The following CLYBL variants were observed in gnomAD, a reference collection of about 807,000 sequenced individuals.
CLYBL encodes the protein citramalyl-CoA lyase.
A neutral mutation model predicts 38.9 loss-of-function variants in CLYBL; 31 were observed. The ratio of observed to expected loss-of-function variants is 0.80; its 90% confidence interval spans 0.60 to 1.08. The LOEUF is 1.08. Among genes scored for constraint, CLYBL ranks in the 50% least tolerant of loss-of-function variants. The probability of loss-of-function intolerance (pLI) is 0.00; values close to 1 mark genes in which losing one functional copy is unlikely to be tolerated. For synonymous variants in CLYBL, 171 were observed against 158.6 expected, an observed-to-expected ratio of 1.08 and a Z score of -0.59; for missense variants, 434 against 411.6, an observed-to-expected ratio of 1.05 and a Z score of -0.47.
At chr13:99,731,335 GAAA>G (rs543496005) in intron 1 of CLYBL, among the ~76,000 whole-genome samples, 1 of 127,012 alleles carries the variant, frequency 7.9e-6, no homozygotes. Flanking sequence ...CCTGCTTTAA[GAAA>G]AAAAAAAAAA....
intron 1 of CLYBL, among the ~76,000 whole-genome samples, chr13:99,682,228 C>T (rs956576224): frequency 1.7e-4 from 26 of 151,918 alleles, no homozygotes; most frequent in African/African-American, 6.3e-4. Context: ...ACTGCGTCCT[C>T]CACCTCCTGG....
At chr13:99,683,698 T>C (rs1263863013) in intron 1 of CLYBL, among the ~76,000 whole-genome samples, 1 of 151,640 alleles carries the variant, frequency 6.6e-6, no homozygotes, top group African/African-American at 2.4e-5. Flanking sequence ...TCTTCTGGAA[T>C]GCCTCCTCAA....
chr13:99,907,255 T>C (rs1221425773), intron 9 of CLYBL, among the ~76,000 whole-genome samples: 2 of 152,220 alleles, frequency 1.3e-5, no homozygotes, highest in Non-Finnish European at 2.9e-5. Flanking sequence ...CTAACATCCC[T>C]GTGCCTCAGT....
intron 2 of CLYBL, among the ~76,000 whole-genome samples, chr13:99,802,269 C>G (rs940876624): frequency 1.3e-5 from 2 of 152,058 alleles, no homozygotes; most frequent in African/African-American, 4.8e-5. Context: ...AGAAATCATC[C>G]CCATCACATT....
chr13:99,781,194 G>A (rs555867494), intron 2 of CLYBL, among the ~76,000 whole-genome samples: 11 of 147,106 alleles, frequency 7.5e-5, no homozygotes, highest in East Asian at 4.0e-4. Context: ...ATTTTGAGAC[G>A]GAGTCTCGCT....
intron 2 of CLYBL, among the ~76,000 whole-genome samples, chr13:99,840,611 G>A (rs111568827): frequency 0.059 from 8,966 of 151,818 alleles, 633 homozygotes; most frequent in African/African-American, 0.16. Context: ...TTAGCCAGGC[G>A]TGGGGGCATG....
rs149806522 is a variant in CLYBL at position 99,741,753 on chromosome 13, A to G, written c.63-31071A>G. 3.4e-4 allele frequency among the ~76,000 whole-genome samples: 52 copies of G among 152,334 alleles called. No homozygotes were observed. In the East Asian group the frequency reaches 9.7e-3, roughly 28 times the overall value. On this transcript the variant is annotated intron_variant, in intron 1 of 8. Transcript: ENST00000339105. ...TGGCCTCCCAAAGTGCTGGGATTAT[A>G]GGCATGAGCCACCGTGCCCAGCCAA... is the stretch of plus-strand genomic sequence containing the variant.
At chr13:99,635,533 T>C (rs1202941609) in intron 1 of CLYBL, among the ~76,000 whole-genome samples, 1 of 152,210 alleles carries the variant, frequency 6.6e-6, no homozygotes, top group Non-Finnish European at 1.5e-5. Flanking sequence ...TTATTGCTTT[T>C]TCCTGTGTTC....
chr13:99,851,333 C>T (rs923054284), intron 2 of CLYBL, among the ~76,000 whole-genome samples: 20 of 135,950 alleles, frequency 1.5e-4, no homozygotes, highest in African/African-American at 5.3e-4. Context: ...TGCCATTGCA[C>T]TCCAGCCTGG....
intron 2 of CLYBL, among the ~76,000 whole-genome samples, chr13:99,789,837 C>G (rs2049878122): frequency 6.6e-6 from 1 of 152,144 alleles, no homozygotes; most frequent in African/African-American, 2.4e-5. Context: ...GAGTCTAAGT[C>G]TCTTTGTAGA....
At chr13:99,676,559 G>A (rs1350760867) in intron 1 of CLYBL, among the ~76,000 whole-genome samples, 1 of 150,780 alleles carries the variant, frequency 6.6e-6, no homozygotes, top group Admixed American at 6.6e-5. Flanking sequence ...CAAAGTGCTG[G>A]GATTACAGGC....
chr13:99,873,928 G>T (rs1422148986), intron 7 of CLYBL, among the ~76,000 whole-genome samples: 1 of 152,104 alleles, frequency 6.6e-6, no homozygotes, highest in Non-Finnish European at 1.5e-5. Context: ...GGTGTCCTTG[G>T]TATAATGTTG....
chr13:99,731,082 CAAAAAAAA>C (rs764705741), intron 1 of CLYBL, among the ~76,000 whole-genome samples: 4 of 57,016 alleles, frequency 7.0e-5, no homozygotes, highest in Non-Finnish European at 9.1e-5. Flanking sequence ...GACTCTGTTT[CAAAAAAAA>C]AAAAAAAAAA....
chr13:99,701,840 A>G (rs1375601591), intron 1 of CLYBL, among the ~76,000 whole-genome samples: 1 of 151,398 alleles, frequency 6.6e-6, no homozygotes, highest in Non-Finnish European at 1.5e-5. Context: ...TTGCACGGCT[A>G]ATTTTTGTAT....
downstream of CLYBL, among the ~76,000 whole-genome samples, chr13:99,899,646 A>C (rs2052619653): frequency 6.6e-6 from 1 of 152,228 alleles, no homozygotes; most frequent in Non-Finnish European, 1.5e-5. Context: ...ACAGTGCTTA[A>C]AATTGTAAAT....
chr13:99,782,525 T>G (rs2049681007), intron 2 of CLYBL, among the ~76,000 whole-genome samples: 1 of 151,880 alleles, frequency 6.6e-6, no homozygotes, highest in East Asian at 1.9e-4. Flanking sequence ...AAGTTTATAA[T>G]AAAAAAAATT....
downstream of CLYBL, among the ~76,000 whole-genome samples, chr13:99,897,494 A>G (rs989404428): frequency 1.3e-5 from 2 of 152,210 alleles, no homozygotes; most frequent in African/African-American, 4.8e-5. Flanking sequence ...ACCCGCACCT[A>G]AGTCACAGGA....
chr13:99,671,591 C>A (rs1197849333), intron 1 of CLYBL, among the ~76,000 whole-genome samples: 5 of 151,900 alleles, frequency 3.3e-5, no homozygotes, highest in Non-Finnish European at 5.9e-5. Flanking sequence ...ACCGGCCTGG[C>A]CAAAATGGTG....
intron 2 of CLYBL, among the ~76,000 whole-genome samples, chr13:99,776,113 G>A (rs1467064694): frequency 6.6e-6 from 1 of 150,530 alleles, no homozygotes; most frequent in Non-Finnish European, 1.5e-5. Flanking sequence ...GCAGTGAGCC[G>A]AGATCGTGCC....
Sources: allele counts gnomAD v4.1 joint callset (sites outside exome capture counted in the v4.1 genomes callset), GRCh38; gene constraint gnomAD v4.1.1; transcripts MANE v1.5; gene names NCBI Gene and HGNC (gene_info 2026-07-23, HGNC 2026-07-21).